MAP3K20: variants seen among roughly 807,000 people sequenced by gnomAD.
The protein encoded by MAP3K20 is HCCS-4.
A neutral mutation model predicts 85.7 loss-of-function variants in MAP3K20; 40 were observed. The observed-to-expected ratio is 0.47, with a 90% CI of 0.36 to 0.61. The LOEUF (loss-of-function observed/expected upper bound fraction) is 0.61, where lower values mean the gene tolerates loss of function less well. Among genes scored for constraint, MAP3K20 ranks in the 20% least tolerant of loss-of-function variants. MAP3K20 has a pLI of 0.00. For missense variants in MAP3K20, 817 were observed against 961.7 expected, an observed-to-expected ratio of 0.85 and a Z score of 1.99; for synonymous variants, 325 against 327.7, an observed-to-expected ratio of 0.99 and a Z score of 0.09.
At chr2:173,145,857 A>G (rs1253803329) in intron 2 of MAP3K20, among the ~76,000 whole-genome samples, 2 of 152,240 alleles carry the variant, frequency 1.3e-5, no homozygotes, top group Non-Finnish European at 2.9e-5. Flanking sequence ...AACAACTCAA[A>G]TATTAACAGG....
intron 15 of MAP3K20, 143 bp from the exon 16 acceptor site, chr2:173,239,261 G>T: frequency 1.6e-6 from 1 of 630,152 alleles, no homozygotes. Context: ...GATGTAATTA[G>T]AATTTGTAGC....
At chr2:173,187,841 G>A (rs1456585388) in intron 5 of MAP3K20, among the ~76,000 whole-genome samples, 1 of 152,130 alleles carries the variant, frequency 6.6e-6, no homozygotes, top group Non-Finnish European at 1.5e-5. Context: ...CCCAGAATGT[G>A]GACATTTGAA....
At chr2:173,218,604 T>G (rs1240539664) in intron 11 of MAP3K20, among the ~76,000 whole-genome samples, 1 of 152,202 alleles carries the variant, frequency 6.6e-6, no homozygotes, top group African/African-American at 2.4e-5. Flanking sequence ...AGCAAAAATG[T>G]GACCTCGTCC....
intron 16 of MAP3K20, among the ~76,000 whole-genome samples, chr2:173,240,022 G>T (rs920272907): frequency 2.0e-5 from 3 of 152,074 alleles, no homozygotes; most frequent in African/African-American, 7.2e-5. Context: ...AATTATAGTA[G>T]GTTTGTGTTA....
At chr2:173,085,985 G>A (rs1469954798) in intron 1 of MAP3K20, among the ~76,000 whole-genome samples, 1 of 151,460 alleles carries the variant, frequency 6.6e-6, no homozygotes, top group Non-Finnish European at 1.5e-5. Flanking sequence ...TAGTAGAGAT[G>A]GGGTTTTGCC....
At chr2:173,242,875 T>G (rs1684824313) in intron 16 of MAP3K20, among the ~76,000 whole-genome samples, 1 of 151,712 alleles carries the variant, frequency 6.6e-6, no homozygotes, top group South Asian at 2.1e-4. Context: ...CCCGGCTAAT[T>G]TTTGTATTTT....
chr2:173,203,706 C>G, intron 8 of MAP3K20, 90 bp from the exon 9 acceptor site: 1 of 967,484 alleles, frequency 1.0e-6, no homozygotes, highest in Admixed American at 1.9e-5. Context: ...CTTAAAATAA[C>G]TCTATTATGA....
intron 2 of MAP3K20, among the ~76,000 whole-genome samples, chr2:173,151,200 A>T (rs1689297740): frequency 6.6e-6 from 1 of 152,120 alleles, no homozygotes; most frequent in Non-Finnish European, 1.5e-5. Flanking sequence ...TTCTGAGGGG[A>T]ATGTAAAATG....
intron 18 of MAP3K20, 133 bp downstream of exon 18, chr2:173,261,270 A>G (rs994399897): frequency 5.0e-6 from 4 of 802,442 alleles, no homozygotes; most frequent in Non-Finnish European, 7.7e-6. Context: ...AAACCAACCA[A>G]CATGAACATA....
At chr2:173,151,573 G>A (rs1310470740) in intron 2 of MAP3K20, among the ~76,000 whole-genome samples, 1 of 152,112 alleles carries the variant, frequency 6.6e-6, no homozygotes, top group Non-Finnish European at 1.5e-5. Flanking sequence ...CAAAGGCCTA[G>A]GCATATGTCT....
chr2:173,252,145 T>G (rs1324759851), intron 16 of MAP3K20, among the ~76,000 whole-genome samples: 1 of 152,214 alleles, frequency 6.6e-6, no homozygotes, highest in Admixed American at 6.5e-5. Context: ...CTTCATTCCC[T>G]TTTTTCTTCC....
intron 2 of MAP3K20, among the ~76,000 whole-genome samples, chr2:173,120,387 G>C (rs1329016753): frequency 6.6e-6 from 1 of 151,736 alleles, no homozygotes; most frequent in African/African-American, 2.4e-5. Flanking sequence ...TGAACCCCCT[G>C]GGTTTCAGAC....
intron 2 of MAP3K20, among the ~76,000 whole-genome samples, chr2:173,112,828 G>C (rs920400771): frequency 6.6e-6 from 1 of 151,764 alleles, no homozygotes; most frequent in Non-Finnish European, 1.5e-5. Flanking sequence ...CAAGTATTTC[G>C]TTAAGGATTT....
chr2:173,101,979 G>A (rs1687650774), intron 2 of MAP3K20, among the ~76,000 whole-genome samples: 1 of 152,148 alleles, frequency 6.6e-6, no homozygotes, highest in African/African-American at 2.4e-5. Flanking sequence ...TTCTTAGAAA[G>A]TCCTTTATAA....
rs754778849 is a variant in MAP3K20, at chr2:173,209,911, G to C, written c.851+76G>C. Reference sequence around the variant, plus strand: ...CTCGTCTCAATGAAGAAGTGAACCAGAGATCTGAATGACAGTCCTGATTTC... The same window carrying C: ...CTCGTCTCAATGAAGAAGTGAACCACAGATCTGAATGACAGTCCTGATTTC... On this transcript the variant is annotated intron_variant, in intron 10 of 19. Coordinates refer to ENST00000375213, the MANE Select transcript of MAP3K20 (RefSeq NM_016653.3). The C allele has an allele frequency of 2.6e-5, 33 of 1,288,128 alleles. No homozygotes were observed. The South Asian group carries it at 3.8e-4, about 15-fold the overall frequency. 79.8% of individuals were successfully genotyped at this position (1,288,128 alleles called of 1,614,324 possible). A position where few individuals can be genotyped will look rare whatever the true frequency, so the allele number is the denominator to read the frequency against.
At chr2:173,106,779 A>G (rs563400599) in intron 2 of MAP3K20, among the ~76,000 whole-genome samples, 8 of 152,260 alleles carry the variant, frequency 5.3e-5, no homozygotes, top group East Asian at 3.9e-4. Context: ...GGAACAGGTA[A>G]TGATAGGTCA....
intron 2 of MAP3K20, among the ~76,000 whole-genome samples, chr2:173,133,721 T>TGC (rs756512505): frequency 9.2e-5 from 14 of 151,972 alleles, no homozygotes; most frequent in Admixed American, 7.2e-4. Flanking sequence ...TGTGTGTGTG[T>TGC]GCATTTTAAA....
At chr2:173,180,860 A>G (rs895770354) in intron 3 of MAP3K20, among the ~76,000 whole-genome samples, 1 of 152,180 alleles carries the variant, frequency 6.6e-6, no homozygotes, top group African/African-American at 2.4e-5. Flanking sequence ...TGATACCAAA[A>G]GCACAGCCAT....
At chr2:173,144,872 A>G (rs553981360) in intron 2 of MAP3K20, among the ~76,000 whole-genome samples, 2 of 152,366 alleles carry the variant, frequency 1.3e-5, no homozygotes, top group South Asian at 2.1e-4. Context: ...TTAAAACAGT[A>G]TAGTATTGGT....
Sources: gnomAD v4.1 joint callset for allele counts (sites outside exome capture counted in the v4.1 genomes callset) on GRCh38, gnomAD v4.1.1 for gene constraint, MANE v1.5 for transcripts, NCBI Gene and HGNC (gene_info 2026-07-23, HGNC 2026-07-21) for gene names.